The following SCEL variants were observed in gnomAD, a reference collection of about 807,000 sequenced individuals.
SCEL encodes the protein sciellin.
Under a neutral mutation model 117.6 loss-of-function variants are expected in SCEL, and 113 were observed. That is an observed-to-expected ratio of 0.96 (90% CI 0.83 to 1.12). The LOEUF (loss-of-function observed/expected upper bound fraction) is 1.12. Ranked by LOEUF, SCEL falls within the 50% of genes most tolerant of loss-of-function variation. SCEL has a pLI of 0.00. For missense variants in SCEL, 785 were observed against 810.8 expected (o/e 0.97, Z 0.39); for synonymous variants, 270 against 256.2 (o/e 1.05, Z -0.51).
chr13:77,582,398 T>C (rs1344330342), intron 9 of SCEL, among the ~76,000 whole-genome samples: 1 of 152,126 alleles, frequency 6.6e-6, no homozygotes, highest in Non-Finnish European at 1.5e-5. Context: ...GGCTGAATTT[T>C]TGTATTTTTA....
chr13:77,602,790 CTTTG>C (rs1311011575), intron 17 of SCEL, 77 bp downstream of exon 17: 9 of 1,240,576 alleles, frequency 7.3e-6, no homozygotes, highest in Admixed American at 5.2e-5. Context: ...GGCACCACAT[CTTTG>C]TTTGGCTTCT....
chr13:77,632,336 T>C (rs989824167), intron 28 of SCEL, among the ~76,000 whole-genome samples: 1 of 152,250 alleles, frequency 6.6e-6, no homozygotes, highest in African/African-American at 2.4e-5. Context: ...CCTTTGACGC[T>C]GTCTACTTCT....
chr13:77,633,202 C>G (rs929425896), intron 28 of SCEL, among the ~76,000 whole-genome samples: 1 of 148,738 alleles, frequency 6.7e-6, no homozygotes, highest in South Asian at 2.2e-4. Flanking sequence ...TTTGGGAGGC[C>G]GAGGCGGGTG....
chr13:77,640,578 C>T, intron 30 of SCEL, 98 bp from the exon 31 acceptor site: 1 of 464,348 alleles, frequency 2.2e-6, no homozygotes, highest in Non-Finnish European at 3.8e-6. Context: ...AGTAAAGTAT[C>T]ATCAAAATTA....
chr13:77,643,510 A>G (rs140950858), intron 32 of SCEL, among the ~76,000 whole-genome samples: 146 of 152,310 alleles, frequency 9.6e-4, no homozygotes, highest in African/African-American at 3.2e-3. Flanking sequence ...TAGATTCAAT[A>G]GTAAGTAGAT....
intron 27 of SCEL, among the ~76,000 whole-genome samples, chr13:77,618,424 C>T (rs190862392): frequency 6.6e-6 from 1 of 152,234 alleles, no homozygotes; most frequent in African/African-American, 2.4e-5. Context: ...TCAGGCAGTC[C>T]TCCTGCCTCA....
At chr13:77,587,177 A>C (rs2086611949) in intron 9 of SCEL, among the ~76,000 whole-genome samples, 2 of 152,056 alleles carry the variant, frequency 1.3e-5, no homozygotes, top group South Asian at 4.2e-4. Context: ...AGTAAACAAA[A>C]GAGAACCTTC....
intron 9 of SCEL, among the ~76,000 whole-genome samples, chr13:77,583,903 A>G (rs977431464): frequency 6.6e-6 from 1 of 152,206 alleles, no homozygotes; most frequent in Non-Finnish European, 1.5e-5. Flanking sequence ...AGTAATATAG[A>G]CAGCTTTCTT....
At chr13:77,555,548 C>T (rs1044989386) in intron 1 of SCEL, among the ~76,000 whole-genome samples, 2 of 152,222 alleles carry the variant, frequency 1.3e-5, no homozygotes, top group African/African-American at 4.8e-5. Flanking sequence ...GCCAGGCAGA[C>T]TGTAAGCATT....
chr13:77,557,388 G>A (rs1165979498), intron 3 of SCEL, among the ~76,000 whole-genome samples: 1 of 152,170 alleles, frequency 6.6e-6, no homozygotes, highest in East Asian at 1.9e-4. Context: ...TATATATTAT[G>A]TTATGTGTAT....
chr13:77,560,687 T>C (rs1043414096), intron 4 of SCEL, among the ~76,000 whole-genome samples: 1 of 152,154 alleles, frequency 6.6e-6, no homozygotes, highest in African/African-American at 2.4e-5. Context: ...TAATCTCAGA[T>C]TGATAAAAAT....
intron 9 of SCEL, among the ~76,000 whole-genome samples, chr13:77,580,849 T>C (rs1213562662): frequency 6.6e-6 from 1 of 152,220 alleles, no homozygotes; most frequent in African/African-American, 2.4e-5. Flanking sequence ...CTACATAATT[T>C]CTCATCCTTA....
At chr13:77,606,448 C>G (rs929016870) in intron 19 of SCEL, 4 of 152,130 alleles carry the variant, frequency 2.6e-5, no homozygotes, top group Non-Finnish European at 5.9e-5. Context: ...ACCCCACAAC[C>G]AACACAAAGG....
chr13:77,553,146 A>G (rs1420570294), intron 1 of SCEL, among the ~76,000 whole-genome samples: 2 of 152,196 alleles, frequency 1.3e-5, no homozygotes, highest in Admixed American at 6.5e-5. Flanking sequence ...CGAATTTTGG[A>G]GGAACGTGAC....
At chr13:77,547,673 T>C (rs1259662885) in intron 1 of SCEL, among the ~76,000 whole-genome samples, 1 of 152,188 alleles carries the variant, frequency 6.6e-6, no homozygotes, top group African/African-American at 2.4e-5. Context: ...TATCTCTTCA[T>C]CATTTTATAT....
intron 11 of SCEL, among the ~76,000 whole-genome samples, chr13:77,593,300 G>GTGTGCGTC (rs1555510801): frequency 5.5e-5 from 8 of 145,230 alleles, no homozygotes; most frequent in African/African-American, 2.0e-4. Context: ...GTGTGTGTCT[G>GTGTGCGTC]TGTGTGTGTG....
chr13:77,628,116 T>C, intron 28 of SCEL, 107 bp downstream of exon 28: 1 of 218,448 alleles, frequency 4.6e-6, no homozygotes, highest in Non-Finnish European at 9.0e-6. Flanking sequence ...TTATATATTA[T>C]GTAATATATA....
At chr13:77,598,331 A>G (rs1256157952) in intron 13 of SCEL, among the ~76,000 whole-genome samples, 1 of 152,230 alleles carries the variant, frequency 6.6e-6, no homozygotes, top group Non-Finnish European at 1.5e-5. Flanking sequence ...AAAGAGAAGG[A>G]GAAAACAGGG....
chr13:77,632,638 A>G (rs1230553900), intron 28 of SCEL, among the ~76,000 whole-genome samples: 4 of 152,178 alleles, frequency 2.6e-5, no homozygotes, highest in African/African-American at 9.6e-5. Flanking sequence ...CTTGATTAAG[A>G]CCTAAACCCT....
Sources: allele counts gnomAD v4.1 joint callset (sites outside exome capture counted in the v4.1 genomes callset), GRCh38; gene constraint gnomAD v4.1.1; transcripts MANE v1.5; gene names NCBI Gene and HGNC (gene_info 2026-07-23, HGNC 2026-07-21).